The following EVPL variants were observed in gnomAD, a reference collection of about 807,000 sequenced individuals.
The protein encoded by EVPL is 210 kDa cornified envelope precursor protein.
In EVPL, 94 loss-of-function variants were observed where a neutral mutation model predicts 129.7. The observed-to-expected ratio is 0.72, with a 90% CI of 0.61 to 0.86. The LOEUF (loss-of-function observed/expected upper bound fraction) is 0.86. EVPL is among the 40% of genes least tolerant of loss of function. EVPL has a pLI of 0.00. For missense variants in EVPL, 2,625 were observed against 2,721.1 expected (o/e 0.96, Z 0.79); for synonymous variants, 1,172 against 1,191.1 (o/e 0.98, Z 0.33).
intron 18 of EVPL, chr17:76,012,310 CTTTTT>C: frequency 7.8e-6 from 3 of 385,172 alleles, no homozygotes; most frequent in East Asian, 4.6e-5. Flanking sequence ...CCTTTCTTTC[CTTTTT>C]TTTTTTTTTG....
In EVPL at chr17:76,017,776, G is replaced by T. The variant is rs1420257502; in HGVS notation, c.1673C>A (p.Pro558His). 6.2e-7 allele frequency: 1 copy of T among 1,613,152 alleles called. No homozygotes were observed. The highest frequency in any genetic ancestry group is 1.1e-5 in the South Asian group (1 of 91,078). ...GATGCGGCCCTCCAAGTCCTCCAAG[G>T]GTGTGGGGCGGCTCAGCGGGGCCCG... ...WARAPLSRPT[P>H]LEDLEGRIHS... Residue 558 changes from proline to histidine, a missense_variant, in exon 14 of 22, where the codon CCC (proline) becomes CAC (histidine). By Grantham distance (77) the Pro-to-His change is moderately conservative (BLOSUM62 -2). This residue lies in a region of EVPL where 1,024 missense variants were observed against 997.5 expected (regional missense o/e 1.03). Coordinates refer to ENST00000301607, the MANE Select transcript of EVPL (RefSeq NM_001988.4).
At position 76,022,638 on chromosome 17, in the gene EVPL, C is replaced by G. The variant is rs2066470776; in HGVS notation, c.481-100G>C. 6.8e-7 allele frequency: 1 copy of G among 1,471,614 alleles called. No individual in the cohort carries two copies. Among genetic ancestry groups the G allele is most frequent in the Non-Finnish European group, 9.0e-7 (1 of 1,106,228 alleles). 91.2% of individuals were successfully genotyped at this position (1,471,614 alleles called of 1,614,324 possible). The stretch of plus-strand genomic sequence containing the variant: ...GGAGAAGTGGACTTGGTCATTTGGG[C>G]AGAGCGTGGACGAGCCTGGGAGCAG... On this transcript the variant is annotated intron_variant, in intron 4 of 21. Coordinates refer to ENST00000301607, the MANE Select transcript of EVPL (RefSeq NM_001988.4). The surrounding 1 kb of genome is among the most constrained non-coding windows in gnomAD (Gnocchi z 5.6).
In EVPL at chr17:76,007,221, T is replaced by G. The variant is rs1236335971; in HGVS notation, c.5984A>C (p.Glu1995Ala). ...PISKERLSYK[E>A]AMGRCRKDPL... ...GTCTTTGCGGCAGCGGCCCATGGCC[T>G]CCTTGTAGCTCAGCCGTTCCTTGGA... The change falls in exon 22 of 22, where the codon GAG (glutamate) becomes GCG (alanine). Residue 1995 changes from glutamate to alanine, a missense_variant. By Grantham distance (107) the Glu-to-Ala change is moderately radical (BLOSUM62 -1). This residue lies in a region of EVPL where 1,453 missense variants were observed against 1,511.8 expected (regional missense o/e 0.96). Transcript: ENST00000301607. The surrounding 1 kb of genome is among the most constrained non-coding windows in gnomAD (Gnocchi z 8.8). 2 of 1,562,216 alleles carry G rather than the reference T, an allele frequency of 1.3e-6. No homozygotes were observed. Among genetic ancestry groups the G allele is most frequent in the East Asian group, 2.3e-5 (1 of 44,348 alleles).
intron 14 of EVPL, among the ~76,000 whole-genome samples, chr17:76,016,015 G>A (rs564127869): frequency 7.9e-5 from 12 of 152,154 alleles, no homozygotes; most frequent in African/African-American, 2.2e-4. Context: ...GTAGCAGCGC[G>A]CACCTGCAAT....
chr17:76,021,939 C>A lies in EVPL; in HGVS notation c.735G>T (p.Gln245His), dbSNP rs2066463672. The A allele has an allele frequency of 6.4e-7, 1 of 1,559,502 alleles. No homozygotes were observed. The highest frequency in any genetic ancestry group is 8.6e-7 in the Non-Finnish European group (1 of 1,159,838). Reference sequence around the variant, plus strand: ...AGTCCTGCTGCAGGATGCGGCGCTGCTGCTCAGCCAGGGCGCTCAGCTGCC... The same window carrying A: ...AGTCCTGCTGCAGGATGCGGCGCTGATGCTCAGCCAGGGCGCTCAGCTGCC... Reference protein sequence around the residue: ...CTRQLSALAEQQRRILQQDWS... With the variant: ...CTRQLSALAEHQRRILQQDWS... The change falls in exon 7 of 22, where the codon CAG (glutamine) becomes CAT (histidine). Residue 245 changes from glutamine to histidine, a missense_variant. By Grantham distance (24) the Gln-to-His change is conservative (BLOSUM62 0). Around this residue, in one of 4 missense-constraint regions of EVPL, gnomAD observed 1,024 missense variants for 997.5 expected, o/e 1.03. Transcript: ENST00000301607.
chr17:76,015,024 G>A lies in EVPL; in HGVS notation c.2114C>T (p.Ala705Val), dbSNP rs2066407182. Residue 705 changes from alanine to valine, a missense_variant, in exon 17 of 22, where the codon GCC becomes GTC. Ala to Val is a moderately conservative substitution (Grantham distance 64). This residue lies in a region of EVPL where 1,024 missense variants were observed against 997.5 expected (regional missense o/e 1.03). Coordinates refer to ENST00000301607, the MANE Select transcript of EVPL (RefSeq NM_001988.4). ...GAACTCCTGGAAGTTGTTCTGCAGG[G>A]CAGCGCATGCGTGCTCCGAGGCCTT... ...ALKASEHACA[A>V]LQNNFQEFCQ... is the part of the protein sequence containing the mutation. 5 of 1,594,876 alleles carry A rather than the reference G, an allele frequency of 3.1e-6. No homozygotes were observed. Among genetic ancestry groups the A allele is most frequent in the African/African-American group, 1.3e-5 (1 of 74,906 alleles).
At position 76,007,868 on chromosome 17, in the gene EVPL, A is replaced by G. The variant is rs758434782; in HGVS notation, c.5337T>C (p.Leu1779=). The part of the protein sequence containing the change: ...GHLPISEFAL[L]VAGETKPSSS... ...AGCTTGGCTTGGTCTCCCCAGCTAC[A>G]AGCAGCGCAAACTCGGAGATGGGCA... Residue 1779 remains leucine (L), a synonymous_variant, in exon 22 of 22, where the codon CTT becomes CTC. Transcript: ENST00000301607. This position sits in a 1 kb window ranked among gnomAD's most constrained non-coding sequence, Gnocchi z 8.8. 7.4e-6 allele frequency: 12 copies of G among 1,613,512 alleles called. No individual in the cohort carries two copies. Among genetic ancestry groups the G allele is most frequent in the African/African-American group, 2.7e-5 (2 of 74,924 alleles).
intron 4 of EVPL, 138 bp downstream of exon 4, chr17:76,023,154 T>C: frequency 6.9e-7 from 1 of 1,443,604 alleles, no homozygotes; most frequent in Non-Finnish European, 9.4e-7. Flanking sequence ...GACTGCACTG[T>C]CTACTCTGCT....
chr17:76,023,760 C>T, intron 2 of EVPL, 106 bp from the exon 3 acceptor site: 3 of 1,445,578 alleles, frequency 2.1e-6, no homozygotes, highest in Non-Finnish European at 2.7e-6. Context: ...GCTATGCTAG[C>T]CAACCTTGAG....
In EVPL at chr17:76,024,851, C is replaced by T. The variant is rs2066488008; in HGVS notation, c.99-731G>A. 6.6e-6 allele frequency among the ~76,000 whole-genome samples: 1 copy of T among 152,218 alleles called. No individual in the cohort carries two copies. Among genetic ancestry groups the T allele is most frequent in the Non-Finnish European group, 1.5e-5 (1 of 68,034 alleles). ...TTCGCCCTGCAGCCTCCATAGAGCA[C>T]CTGCTGTGTGCATGCACTCACTGTG... On this transcript the variant is annotated intron_variant, in intron 1 of 21. Transcript: ENST00000301607. This position sits in a 1 kb window ranked among gnomAD's most constrained non-coding sequence, Gnocchi z 4.5.
rs901692551 is a variant in EVPL at position 76,013,039 on chromosome 17, C to A, written c.2374-950G>T. Among the ~76,000 whole-genome samples, 1 of 152,160 alleles carries A rather than the reference C, an allele frequency of 6.6e-6. No homozygotes were observed. Among genetic ancestry groups the A allele is most frequent in the African/African-American group, 2.4e-5 (1 of 41,430 alleles). ...GATTACAGGCGTGAGCCACCGCGCC[C>A]GGCCTGAGAATTCATATTTCTGATA... On this transcript the variant is annotated intron_variant, in intron 18 of 21. Transcript: ENST00000301607. This position sits in a 1 kb window ranked among gnomAD's most constrained non-coding sequence, Gnocchi z 4.3.
chr17:76,023,001 G>A (rs2066473278), intron 4 of EVPL, among the ~76,000 whole-genome samples: 3 of 152,064 alleles, frequency 2.0e-5, no homozygotes, highest in South Asian at 4.2e-4. Flanking sequence ...ACTTCCCGTC[G>A]AAGCCCAGGC....
intron 21 of EVPL, 97 bp from the exon 22 acceptor site, chr17:76,010,640 C>T: frequency 7.5e-7 from 1 of 1,339,316 alleles, no homozygotes; most frequent in Non-Finnish European, 1.0e-6. Flanking sequence ...TTTCCTGAGA[C>T]TCCCCAGTGG....
chr17:76,013,285 C>G lies in EVPL; in HGVS notation c.2373+1141G>C. ...GCAGCCAGGGCTGAGAATCTCTGTC[C>G]CAGGCCCCCTTCCCAATGTCACCTC... On this transcript the variant is annotated intron_variant, in intron 18 of 21. Transcript: ENST00000301607. The surrounding 1 kb of genome is among the most constrained non-coding windows in gnomAD (Gnocchi z 4.3). Among the ~76,000 whole-genome samples, 1 of 152,204 alleles carries G rather than the reference C, an allele frequency of 6.6e-6. No individual in the cohort carries two copies. The highest frequency in any genetic ancestry group is 1.5e-5 in the Non-Finnish European group (1 of 67,990).
chr17:76,026,922 G>T (rs1182103180), intron 1 of EVPL, among the ~76,000 whole-genome samples, 179 bp downstream of exon 1: 1 of 152,258 alleles, frequency 6.6e-6, no homozygotes, highest in African/African-American at 2.4e-5. Flanking sequence ...GCCTGGGCCT[G>T]CGGCTCCCAA....
chr17:76,016,814 G>A lies in EVPL; in HGVS notation c.1710+925C>T, dbSNP rs141056168. ...CCAACTACTCGGGAGGCTGAGGTGG[G>A]AGGATCACTCAAGCCTGGGAGGTGG... On this transcript the variant is annotated intron_variant, in intron 14 of 21. Coordinates refer to ENST00000301607, the MANE Select transcript of EVPL (RefSeq NM_001988.4). 2.3e-4 allele frequency among the ~76,000 whole-genome samples: 35 copies of A among 152,140 alleles called. No individual in the cohort carries two copies. In the East Asian group the frequency reaches 5.6e-3, roughly 24 times the overall value.
At position 76,017,112 on chromosome 17, in the gene EVPL, T is replaced by C. The variant is rs555587772; in HGVS notation, c.1710+627A>G. Reference sequence around the variant, plus strand: ...CCTGTAATCCCAGCTACTCCGGAGGTTGAGGCAGGAGAATTGCTTGAACCT... The same window carrying C: ...CCTGTAATCCCAGCTACTCCGGAGGCTGAGGCAGGAGAATTGCTTGAACCT... On this transcript the variant is annotated intron_variant, in intron 14 of 21. Coordinates refer to ENST00000301607, the MANE Select transcript of EVPL (RefSeq NM_001988.4). Among the ~76,000 whole-genome samples the C allele has an allele frequency of 3.4e-5, 5 of 148,382 alleles. No homozygotes were observed. In the South Asian group the frequency reaches 1.1e-3, roughly 32 times the overall value.
Position 76,009,169 on chromosome 17 carries a change from CCCGCCTCTTCTGGG to C in EVPL, c.4022_4035del (p.Ala1341GlyfsTer52). On this transcript the variant is annotated frameshift_variant, in exon 22 of 22. Transcript: ENST00000301607. LOFTEE classifies it low-confidence loss of function (END_TRUNC). This position sits in a 1 kb window ranked among gnomAD's most constrained non-coding sequence, Gnocchi z 5.9. ...AGCTCGTACACCGCGTCCTCCGCGGCCCGCCTCTTCTGGGCCGCCTCCCGCACCTCCTGGCGGAG... is the reference window on the plus strand; with the variant it reads ...AGCTCGTACACCGCGTCCTCCGCGGCCCGCCTCCCGCACCTCCTGGCGGAG... 2.5e-6 allele frequency: 4 copies of C among 1,611,384 alleles called. No homozygotes were observed. The highest frequency in any genetic ancestry group is 2.5e-6 in the Non-Finnish European group (3 of 1,179,884).
chr17:76,019,089 C>A lies in EVPL; in HGVS notation c.1138-29G>T, dbSNP rs756510456. 5.8e-6 allele frequency: 9 copies of A among 1,554,960 alleles called. No individual in the cohort carries two copies. In the Admixed American group the frequency reaches 1.8e-4, roughly 30 times the overall value. On this transcript the variant is annotated intron_variant, in intron 10 of 21. Transcript: ENST00000301607. The stretch of plus-strand genomic sequence containing the variant: ...CCGGGGGCCCAGGCAGTGGGGGACT[C>A]AGGCCAGGCTGCATTGGAGGCTGGC...
Sources: allele counts gnomAD v4.1 joint callset (sites outside exome capture counted in the v4.1 genomes callset), GRCh38; gene constraint gnomAD v4.1.1; regional missense constraint gnomAD v4.1.1; non-coding constraint Gnocchi (gnomAD v3.1); transcripts MANE v1.5; gene names NCBI Gene and HGNC (gene_info 2026-07-23, HGNC 2026-07-21).